Variants in GDAP1 observed in about 807,000 individuals in gnomAD.
The protein encoded by GDAP1 is ganglioside induced differentiation associated protein 1.
In GDAP1, 34 loss-of-function variants were observed where a neutral mutation model predicts 40.1. That is an observed-to-expected ratio of 0.85 (90% CI 0.64 to 1.13). The LOEUF is 1.13. GDAP1 is among the 50% of genes most tolerant of loss of function. The probability of loss-of-function intolerance (pLI) is 0.00; values close to 1 mark genes in which losing one functional copy is unlikely to be tolerated. For synonymous variants in GDAP1, 170 were observed against 157.4 expected (o/e 1.08, Z -0.60); for missense variants, 374 against 433.7 (o/e 0.86, Z 1.22).
Position 74,350,461 on chromosome 8 carries a change from G to A in GDAP1, c.-1G>A. ...GCGCACCCGTGCTCGCGCACCCCAA[G>A]ATGGCTGAGAGGCAGGAAGAGCAGA... On this transcript the variant is annotated 5_prime_UTR_variant, in exon 1 of 6. Transcript: ENST00000220822. The A allele has an allele frequency of 5.0e-6, 8 of 1,600,588 alleles. No homozygotes were observed. Among genetic ancestry groups the A allele is most frequent in the Middle Eastern group, 1.7e-4 (1 of 6,032 alleles).
intron 2 of GDAP1, among the ~76,000 whole-genome samples, chr8:74,412,882 C>A (rs1380083744): frequency 6.8e-6 from 1 of 146,756 alleles, no homozygotes; most frequent in Non-Finnish European, 1.5e-5. Flanking sequence ...CATGGTGAAA[C>A]CCCGTCTCTA....
chr8:74,399,170 A>G (rs552596056), intron 2 of GDAP1, among the ~76,000 whole-genome samples: 10 of 152,074 alleles, frequency 6.6e-5, no homozygotes, highest in Non-Finnish European at 1.0e-4. Flanking sequence ...CTGTCAATCC[A>G]TCTGGTCCTG....
intron 2 of GDAP1, among the ~76,000 whole-genome samples, chr8:74,404,560 C>T (rs563489969): frequency 3.1e-4 from 46 of 149,700 alleles, no homozygotes; most frequent in Admixed American, 1.4e-3. Context: ...CATGGCTACT[C>T]GGTGTGGAGT....
At chr8:74,359,865 A>G (rs1809270599) in intron 2 of GDAP1, among the ~76,000 whole-genome samples, 1 of 152,266 alleles carries the variant, frequency 6.6e-6, no homozygotes, top group South Asian at 2.1e-4. Context: ...TTCATGGAAT[A>G]AATGGCATAA....
At chr8:74,431,685 G>C (rs974494558) in intron 2 of GDAP1, among the ~76,000 whole-genome samples, 5 of 151,930 alleles carry the variant, frequency 3.3e-5, no homozygotes, top group Admixed American at 6.6e-5. Flanking sequence ...GTTTCACCAT[G>C]TTAGCCAGGA....
chr8:74,478,424 G>T (rs985154900), intron 2 of GDAP1, among the ~76,000 whole-genome samples: 2 of 152,002 alleles, frequency 1.3e-5, no homozygotes, highest in African/African-American at 2.4e-5. Flanking sequence ...GGGCTTCTCT[G>T]CTGGTACACT....
intron 2 of GDAP1, among the ~76,000 whole-genome samples, chr8:74,441,500 T>G (rs997502227): frequency 1.3e-5 from 2 of 152,148 alleles, no homozygotes; most frequent in African/African-American, 4.8e-5. Flanking sequence ...AAAAAGGCTA[T>G]TTGAATTTTT....
chr8:74,479,573 T>C (rs993108381), intron 2 of GDAP1, among the ~76,000 whole-genome samples: 5 of 152,260 alleles, frequency 3.3e-5, no homozygotes, highest in African/African-American at 9.6e-5. Flanking sequence ...GAATAGCAAA[T>C]TACCTGAAAT....
At position 74,479,461 on chromosome 8, in the gene GDAP1, T is replaced by G. The variant is rs1432544700; in HGVS notation, c.166-9217T>G. ...TGTTTCTATTTATCTTTATTTCCTATAATTTCTTTTTTATGAATGTTGCTT... is the reference window on the plus strand; with the variant it reads ...TGTTTCTATTTATCTTTATTTCCTAGAATTTCTTTTTTATGAATGTTGCTT... On this transcript the variant is annotated intron_variant, in intron 2 of 2. Coordinates refer to the GDAP1 transcript ENST00000523640. Among the ~76,000 whole-genome samples the G allele has an allele frequency of 3.9e-5, 6 of 152,224 alleles. No individual in the cohort carries two copies. The East Asian group carries it at 1.2e-3, about 29-fold the overall frequency.
At chr8:74,474,260 C>A (rs1396274905) in intron 2 of GDAP1, among the ~76,000 whole-genome samples, 1 of 152,010 alleles carries the variant, frequency 6.6e-6, no homozygotes, top group African/African-American at 2.4e-5. Context: ...TGACTTCCTA[C>A]CTTCATATTT....
intron 2 of GDAP1, among the ~76,000 whole-genome samples, chr8:74,423,070 C>T (rs1471151404): frequency 1.4e-5 from 2 of 146,436 alleles, no homozygotes; most frequent in African/African-American, 5.0e-5. Flanking sequence ...ATTATATATA[C>T]TATATATATT....
chr8:74,394,146 C>T (rs1270043551), intron 2 of GDAP1, among the ~76,000 whole-genome samples: 4 of 152,176 alleles, frequency 2.6e-5, no homozygotes, highest in East Asian at 1.9e-4. Flanking sequence ...GAGCAAGTCA[C>T]GTCCTACGTG....
intron 2 of GDAP1, among the ~76,000 whole-genome samples, chr8:74,443,980 GTCTATCTATCTATCTATCTATCTA>G (rs34362360): frequency 2.7e-5 from 4 of 147,428 alleles, no homozygotes; most frequent in Non-Finnish European, 6.0e-5. Context: ...CTTTCTGTCT[GTCTATCTATCTATCTATCTATCTA>G]TCTATCTATC....
intron 2 of GDAP1, among the ~76,000 whole-genome samples, chr8:74,398,327 C>T (rs1435945535): frequency 1.3e-5 from 2 of 152,104 alleles, no homozygotes; most frequent in Non-Finnish European, 2.9e-5. Flanking sequence ...GGTAGATCTT[C>T]CTCCATCCTT....
rs891979571 is a variant in GDAP1, at chr8:74,415,899, C to T, written c.165+64578C>T. On this transcript the variant is annotated intron_variant, in intron 2 of 2. Transcript: ENST00000523640. The stretch of plus-strand genomic sequence containing the variant: ...TGGCCAAGTAGGGATTTCAACCCTA[C>T]TTGAGATTCTCAATATAATCTCTAG... Among the ~76,000 whole-genome samples the T allele has an allele frequency of 2.7e-5, 4 of 149,528 alleles. No homozygotes were observed. The South Asian group carries it at 8.3e-4, about 31-fold the overall frequency.
chr8:74,436,371 C>T (rs1215260128), intron 2 of GDAP1, among the ~76,000 whole-genome samples: 1 of 151,260 alleles, frequency 6.6e-6, no homozygotes, highest in Admixed American at 6.6e-5. Flanking sequence ...CCAATATAAA[C>T]TTTTGATGCA....
intron 2 of GDAP1, among the ~76,000 whole-genome samples, chr8:74,414,421 A>G (rs1805754134): frequency 6.7e-6 from 1 of 150,026 alleles, no homozygotes. Flanking sequence ...ATGGAAAGAT[A>G]GAAAGTATTG....
At chr8:74,455,582 A>G (rs939669910) in intron 2 of GDAP1, among the ~76,000 whole-genome samples, 1 of 151,950 alleles carries the variant, frequency 6.6e-6, no homozygotes, top group African/African-American at 2.4e-5. Flanking sequence ...CATTAACACA[A>G]TGCATTTGAG....
intron 2 of GDAP1, among the ~76,000 whole-genome samples, chr8:74,441,253 C>G (rs1401430719): frequency 6.6e-6 from 1 of 151,988 alleles, no homozygotes; most frequent in Non-Finnish European, 1.5e-5. Flanking sequence ...GGACATTGTG[C>G]CTTTTGTTTA....
Sources: allele counts gnomAD v4.1 joint callset (sites outside exome capture counted in the v4.1 genomes callset), GRCh38; gene constraint gnomAD v4.1.1; transcripts MANE v1.5; gene names NCBI Gene and HGNC (gene_info 2026-07-23, HGNC 2026-07-21).